The following CHST15 variants were observed in gnomAD, a reference collection of about 807,000 sequenced individuals.
CHST15 encodes the protein B cell RAG associated protein (GALNAC4S-6ST).
A neutral mutation model predicts 53.6 loss-of-function variants in CHST15; 30 were observed. That is an observed-to-expected ratio of 0.56 (90% CI 0.42 to 0.76). The LOEUF (loss-of-function observed/expected upper bound fraction) is 0.76, where lower values mean the gene tolerates loss of function less well. Among genes scored for constraint, CHST15 ranks in the 30% least tolerant of loss-of-function variants. The probability of loss-of-function intolerance (pLI) is 0.00; values close to 1 mark genes in which losing one functional copy is unlikely to be tolerated. For missense variants in CHST15, 627 were observed against 740.5 expected, an observed-to-expected ratio of 0.85 and a Z score of 1.78; for synonymous variants, 296 against 289.8, an observed-to-expected ratio of 1.02 and a Z score of -0.22.
At chr10:124,070,380 T>G (rs1948876828) in intron 1 of CHST15, among the ~76,000 whole-genome samples, 1 of 152,084 alleles carries the variant, frequency 6.6e-6, no homozygotes, top group Non-Finnish European at 1.5e-5. Context: ...TTTTTTTGTT[T>G]TGTTTTGTTT....
chr10:124,082,597 A>G (rs972625985), intron 1 of CHST15, among the ~76,000 whole-genome samples: 2 of 152,226 alleles, frequency 1.3e-5, no homozygotes, highest in East Asian at 1.9e-4. Flanking sequence ...ACATGTCCAC[A>G]CCCAAAGAAG....
At chr10:124,045,133 A>AACAAAAAC (rs1200457080) in intron 2 of CHST15, among the ~76,000 whole-genome samples, 4,889 of 145,772 alleles carry the variant, frequency 0.034, 364 homozygotes, top group African/African-American at 0.12. Flanking sequence ...AAAAAAAAAA[A>AACAAAAAC]AAAAAAAAAA....
Position 124,044,826 on chromosome 10 carries a change from G to A in CHST15, c.640C>T (p.Leu214Phe), listed in dbSNP as rs1345556956. Residue 214 changes from leucine (L) to phenylalanine (F), a missense_variant, in exon 3 of 8, where the codon CTC (leucine) becomes TTC (phenylalanine). Physicochemically the swap from Leu to Phe is conservative, Grantham distance 22 (BLOSUM62 0). Transcript: ENST00000435907. Reference sequence around the variant, plus strand: ...GAGTAGAGCACGTAGGAGTTGGTGAGGTAGGGGTCGGTGGTGTTCTGCCCC... The same window carrying A: ...GAGTAGAGCACGTAGGAGTTGGTGAAGTAGGGGTCGGTGGTGTTCTGCCCC... Reference protein sequence around the residue: ...FSGQNTTDPYLTNSYVLYSKR... With the variant: ...FSGQNTTDPYFTNSYVLYSKR... 1 of 1,572,474 alleles carries A rather than the reference G, an allele frequency of 6.4e-7. No homozygotes were observed. The highest frequency in any genetic ancestry group is 8.6e-7 in the Non-Finnish European group (1 of 1,156,440).
Position 124,042,323 on chromosome 10 carries a change from G to A in CHST15, c.1011C>T (p.Ser337=), listed in dbSNP as rs1947770686. 6.2e-7 allele frequency: 1 copy of A among 1,613,830 alleles called. No individual in the cohort carries two copies. The highest frequency in any genetic ancestry group is 8.5e-7 in the Non-Finnish European group (1 of 1,179,836). ...TACCGATAATGATTGTATTCATCTT[G>A]CTCTGCTCCTTTGCAGAGCTGGCCT... is the stretch of plus-strand genomic sequence containing the variant. ...GLQASSAKEQ[S]KMNTIIIGEA... The change falls in exon 4 of 8, where the codon AGC becomes AGT. Residue 337 remains serine (S), a synonymous_variant. Coordinates refer to ENST00000435907, the MANE Select transcript of CHST15 (RefSeq NM_001270764.2).
chr10:124,065,765 T>C (rs982276428), intron 1 of CHST15, among the ~76,000 whole-genome samples: 1 of 152,232 alleles, frequency 6.6e-6, no homozygotes, highest in Non-Finnish European at 1.5e-5. Flanking sequence ...GATTCTTACC[T>C]GTGGCCAGAA....
rs542790541 is a variant in CHST15 at position 124,055,413 on chromosome 10, C to T, written c.-512-8689G>A. Among the ~76,000 whole-genome samples the T allele has an allele frequency of 2.6e-5, 4 of 152,254 alleles. No homozygotes were observed. The East Asian group carries it at 7.7e-4, about 29-fold the overall frequency. ...GCCTCTCGGTAAATGACCCGGATTC[C>T]TTGCATTATTACTGGAGAGACCCTT... On this transcript the variant is annotated intron_variant, in intron 1 of 7. Coordinates refer to ENST00000435907, the MANE Select transcript of CHST15 (RefSeq NM_001270764.2).
At chr10:124,010,780 T>G (rs1946389771) in intron 7 of CHST15, 1 of 985,318 alleles carries the variant, frequency 1.0e-6, no homozygotes, top group Admixed American at 6.1e-5. Flanking sequence ...TACTTCAGGC[T>G]GCTCATGCCA....
In CHST15 at chr10:124,019,597, T is replaced by C. The variant is rs544667781; in HGVS notation, c.1347+1659A>G. ...GTTTCCCGTTTCTCCGGGTCTCCGT[T>C]TCCTTATGAAGGCTCCCTCCCGGGT... On this transcript the variant is annotated intron_variant, in intron 6 of 7. Coordinates refer to ENST00000435907, the MANE Select transcript of CHST15 (RefSeq NM_001270764.2). This position sits in a 1 kb window ranked among gnomAD's most constrained non-coding sequence, Gnocchi z 4.6. 39 of 232,694 alleles carry C rather than the reference T, an allele frequency of 1.7e-4. No individual in the cohort carries two copies. Among genetic ancestry groups the C allele is most frequent in the African/African-American group, 8.8e-4 (38 of 43,028 alleles). 14.4% of individuals were successfully genotyped at this position (232,694 alleles called of 1,614,324 possible).
intron 7 of CHST15, chr10:124,010,563 T>C: frequency 1.0e-6 from 1 of 985,440 alleles, no homozygotes; most frequent in Non-Finnish European, 1.2e-6. Flanking sequence ...GGGTGCAGGA[T>C]GCCCACCCTC....
chr10:124,022,067 G>A (rs1338893213), intron 5 of CHST15, among the ~76,000 whole-genome samples: 9 of 152,188 alleles, frequency 5.9e-5, no homozygotes, highest in Admixed American at 2.6e-4. Flanking sequence ...GAATGCTGCC[G>A]CACGGGAACT....
Position 124,021,264 on chromosome 10 carries a change from CGTTGTTGAGGGT to C in CHST15, c.1327_1338del (p.Thr443_Asn446del), listed in dbSNP as rs1946778335. On this transcript the variant is annotated inframe_deletion, in exon 6 of 8. Coordinates refer to ENST00000435907, the MANE Select transcript of CHST15 (RefSeq NM_001270764.2). ...GGGGGGGGGGTACACACAGGCATGGCGTTGTTGAGGGTGTTGTTGTAGACGCAGGCGCGCAGT... is the reference window on the plus strand; with the variant it reads ...GGGGGGGGGGTACACACAGGCATGGCGTTGTTGTAGACGCAGGCGCGCAGT... The C allele has an allele frequency of 3.2e-6, 5 of 1,580,920 alleles. No individual in the cohort carries two copies. Among genetic ancestry groups the C allele is most frequent in the Admixed American group, 1.7e-5 (1 of 58,840 alleles).
chr10:124,033,348 A>G (rs1947300792), intron 5 of CHST15, among the ~76,000 whole-genome samples: 1 of 152,254 alleles, frequency 6.6e-6, no homozygotes, highest in Non-Finnish European at 1.5e-5. Flanking sequence ...CTCTGCCACT[A>G]GAGCTGGGAT....
Position 124,076,802 on chromosome 10 carries a change from C to T in CHST15, c.-513+16667G>A, listed in dbSNP as rs1239198611. 3.9e-5 allele frequency among the ~76,000 whole-genome samples: 6 copies of T among 152,046 alleles called. No individual in the cohort carries two copies. The East Asian group carries it at 7.7e-4, about 20-fold the overall frequency. On this transcript the variant is annotated intron_variant, in intron 1 of 7. Coordinates refer to ENST00000435907, the MANE Select transcript of CHST15 (RefSeq NM_001270764.2). The stretch of plus-strand genomic sequence containing the variant: ...TCGGCTCACTGCAAGCTCCGCCTTC[C>T]GGGTTCACACCATTCTCCTGCCTCA...
At chr10:124,014,270 G>T (rs565509694) in intron 6 of CHST15, among the ~76,000 whole-genome samples, 60 of 152,326 alleles carry the variant, frequency 3.9e-4, no homozygotes, top group Non-Finnish European at 6.6e-4. Context: ...CCCTCAACAT[G>T]GTTCTCGGGT....
intron 6 of CHST15, among the ~76,000 whole-genome samples, chr10:124,015,423 C>T (rs375181053): frequency 4.7e-4 from 71 of 152,164 alleles, no homozygotes; most frequent in African/African-American, 1.4e-3. Context: ...GGGTCAGTGG[C>T]CAATACCCTT....
rs553650910 is a variant in CHST15 at position 124,022,536 on chromosome 10, A to C, written c.1191-1124T>G. On this transcript the variant is annotated intron_variant, in intron 5 of 7. Transcript: ENST00000435907. ...CTGTTCATGGACCGTGCTAATAAAC[A>C]CCAGTGAGATCTCTAAACTAAATTT... 2.6e-5 allele frequency among the ~76,000 whole-genome samples: 4 copies of C among 152,324 alleles called. No individual in the cohort carries two copies. The South Asian group carries it at 8.3e-4, about 32-fold the overall frequency.
intron 3 of CHST15, among the ~76,000 whole-genome samples, chr10:124,044,184 TTGGGAGCGGCACAGAGC>T (rs776942879): frequency 2.1e-4 from 30 of 144,600 alleles, no homozygotes; most frequent in East Asian, 2.1e-3. Context: ...GGCACAGAGC[TTGGGAGCGGCACAGAGC>T]TGGGAGCGGC....
At chr10:124,041,018 G>A (rs1315717053) in intron 4 of CHST15, among the ~76,000 whole-genome samples, 2 of 152,194 alleles carry the variant, frequency 1.3e-5, no homozygotes, top group African/African-American at 2.4e-5. Flanking sequence ...ACAATGAAAT[G>A]TAAGTCAGAC....
rs1946712083 is a variant in CHST15 at position 124,019,875 on chromosome 10, GGCGGCTGGCT to G, written c.1347+1371_1347+1380del. On this transcript the variant is annotated intron_variant, in intron 6 of 7. Transcript: ENST00000435907. This position sits in a 1 kb window ranked among gnomAD's most constrained non-coding sequence, Gnocchi z 4.6. ...TCAGTGCCCCCCATCTCCCACACCA[GGCGGCTGGCT>G]GCGTTCTGTATGGTAGGTGGTGCTG... 3.0e-6 allele frequency: 3 copies of G among 986,014 alleles called. No homozygotes were observed. The highest frequency in any genetic ancestry group is 3.6e-6 in the Non-Finnish European group (3 of 830,370). 61.1% of individuals were successfully genotyped at this position (986,014 alleles called of 1,614,324 possible).
Sources: allele counts gnomAD v4.1 joint callset (sites outside exome capture counted in the v4.1 genomes callset), GRCh38; gene constraint gnomAD v4.1.1; non-coding constraint Gnocchi (gnomAD v3.1); transcripts MANE v1.5; gene names NCBI Gene and HGNC (gene_info 2026-07-23, HGNC 2026-07-21).